Variants in PTPRQ observed in about 807,000 individuals in gnomAD.
The protein encoded by PTPRQ is phosphatidylinositol phosphatase PTPRQ.
PTPRQ carries 199 observed loss-of-function variants against 246.0 expected under a neutral mutation model. The ratio of observed to expected loss-of-function variants is 0.81; its 90% CI spans 0.72 to 0.91. PTPRQ has a LOEUF of 0.91. PTPRQ is among the 40% of genes least tolerant of loss of function. The pLI is 0.00. For synonymous variants in PTPRQ, 869 were observed against 853.2 expected (o/e 1.02, Z -0.32); for missense variants, 2,624 against 2,528.4 (o/e 1.04, Z -0.81).
At chr12:80,586,444 G>T (rs1349311290) in intron 25 of PTPRQ, among the ~76,000 whole-genome samples, 4 of 151,192 alleles carry the variant, frequency 2.6e-5, no homozygotes, top group Non-Finnish European at 4.4e-5. Flanking sequence ...TTACACTGTT[G>T]GTGGGACTGT....
chr12:80,479,405 C>G (rs971600043), intron 8 of PTPRQ, among the ~76,000 whole-genome samples: 16 of 146,280 alleles, frequency 1.1e-4, no homozygotes, highest in Non-Finnish European at 2.0e-4. Context: ...ACAACTGGTA[C>G]CAGCCACTGC....
rs117085444 is a variant in PTPRQ at position 80,624,915 on chromosome 12, A to T, written c.5686+2781A>T. ...ATGAACCAAAAAAAATTGTAAAACC[A>T]TATCCTAATGTTTTAAGAAAGTTTA... On this transcript the variant is annotated intron_variant, in intron 33 of 44. Transcript: ENST00000644991. Among the ~76,000 whole-genome samples the T allele has an allele frequency of 2.7e-3, 405 of 152,292 alleles. 11 individuals are homozygous for T. In the East Asian group the frequency reaches 0.065, roughly 24 times the overall value.
At chr12:80,674,047 C>A (rs1901058428) in intron 43 of PTPRQ, among the ~76,000 whole-genome samples, 1 of 152,000 alleles carries the variant, frequency 6.6e-6, no homozygotes, top group Admixed American at 6.6e-5. Context: ...AACAGGGAAG[C>A]ACATGTTCCA....
chr12:80,676,757 C>G (rs1737567603), intron 43 of PTPRQ, among the ~76,000 whole-genome samples: 6 of 152,022 alleles, frequency 3.9e-5, no homozygotes, highest in Admixed American at 3.9e-4. Flanking sequence ...TTTAGTGCCT[C>G]AAGGAAGTGG....
At chr12:80,558,462 C>G (rs989550509) in intron 25 of PTPRQ, among the ~76,000 whole-genome samples, 1 of 144,210 alleles carries the variant, frequency 6.9e-6, no homozygotes, top group African/African-American at 2.7e-5. Flanking sequence ...GCCACTGCAC[C>G]TGGCCTTTTT....
intron 16 of PTPRQ, 142 bp downstream of exon 16, chr12:80,506,812 T>C (rs1316301692): frequency 3.4e-6 from 2 of 583,518 alleles, no homozygotes; most frequent in Non-Finnish European, 5.4e-6. Context: ...GATTTCATTG[T>C]CATGGTATAA....
intron 30 of PTPRQ, 116 bp downstream of exon 30, chr12:80,616,382 A>G: frequency 1.1e-6 from 1 of 915,304 alleles, no homozygotes; most frequent in Non-Finnish European, 1.5e-6. Flanking sequence ...GCATATATTA[A>G]GCACATACTA....
At chr12:80,567,500 C>T (rs1224598365) in intron 25 of PTPRQ, among the ~76,000 whole-genome samples, 1 of 152,210 alleles carries the variant, frequency 6.6e-6, no homozygotes, top group Non-Finnish European at 1.5e-5. Flanking sequence ...TTCCCTTTTA[C>T]ACCCATTCTT....
intron 43 of PTPRQ, among the ~76,000 whole-genome samples, chr12:80,675,063 T>A (rs1323626561): frequency 6.6e-6 from 1 of 152,152 alleles, no homozygotes; most frequent in African/African-American, 2.4e-5. Context: ...ATAATGCATA[T>A]ACATTCCCTC....
At chr12:80,561,629 G>A (rs944467393) in intron 25 of PTPRQ, 4 of 152,078 alleles carry the variant, frequency 2.6e-5, no homozygotes, top group African/African-American at 7.2e-5. Flanking sequence ...CTGGCTTCTC[G>A]GTGGTATTCA....
chr12:80,672,311 G>A (rs1153038), intron 42 of PTPRQ, among the ~76,000 whole-genome samples: 65,182 of 150,300 alleles, frequency 0.43, 16,156 homozygotes, highest in African/African-American at 0.7. Context: ...TGTGTGGCAT[G>A]TATATATATA....
chr12:80,587,707 G>T (rs1220003687), intron 25 of PTPRQ, among the ~76,000 whole-genome samples: 1 of 152,060 alleles, frequency 6.6e-6, no homozygotes, highest in African/African-American at 2.4e-5. Flanking sequence ...GATATAAGAT[G>T]TGTTTGTGTT....
Position 80,496,551 on chromosome 12 carries a change from G to GC in PTPRQ, c.2272+20_2272+21insC. The GC allele has an allele frequency of 1.2e-5, 19 of 1,531,972 alleles. No homozygotes were observed. The highest frequency in any genetic ancestry group is 1.7e-5 in the Non-Finnish European group (19 of 1,142,062). The allele number at this position is 1,531,972 out of a possible 1,614,324, so 94.9% of individuals were successfully genotyped here. A position where few individuals can be genotyped will look rare whatever the true frequency, so the allele number is the denominator to read the frequency against. ...AGACTGGTGAGCTTTTGTTTTCTTTGTTTGTTTAATAATACACAGTGATAT... is the reference window on the plus strand; with the variant it reads ...AGACTGGTGAGCTTTTGTTTTCTTTGCTTTGTTTAATAATACACAGTGATAT... On this transcript the variant is annotated intron_variant, in intron 14 of 44. Coordinates refer to ENST00000644991, the MANE Select transcript of PTPRQ (RefSeq NM_001145026.2).
At chr12:80,481,325 T>C (rs888304638) in intron 8 of PTPRQ, among the ~76,000 whole-genome samples, 8 of 152,154 alleles carry the variant, frequency 5.3e-5, no homozygotes, top group Admixed American at 1.3e-4. Flanking sequence ...AATTCAACAA[T>C]CCTTCATGCT....
chr12:80,487,342 A>G (rs945662649), intron 9 of PTPRQ, among the ~76,000 whole-genome samples: 90 of 152,260 alleles, frequency 5.9e-4, no homozygotes, highest in African/African-American at 2.1e-3. Flanking sequence ...GCAGGTTCCC[A>G]CAGGGCACCC....
chr12:80,520,807 G>T (rs574607043), intron 17 of PTPRQ, among the ~76,000 whole-genome samples: 45 of 152,132 alleles, frequency 3.0e-4, no homozygotes, highest in African/African-American at 1.1e-3. Flanking sequence ...TGTGAATAGT[G>T]CCACAATAAA....
At chr12:80,494,549 T>C (rs533402088) in intron 10 of PTPRQ, among the ~76,000 whole-genome samples, 2 of 152,112 alleles carry the variant, frequency 1.3e-5, no homozygotes, top group South Asian at 2.1e-4. Flanking sequence ...TGATTTATAA[T>C]ATTTCATTTA....
intron 43 of PTPRQ, among the ~76,000 whole-genome samples, chr12:80,675,057 T>C (rs1253732046): frequency 5.9e-5 from 9 of 152,142 alleles, no homozygotes; most frequent in Admixed American, 5.9e-4. Flanking sequence ...GGTAATATAA[T>C]GCATATACAT....
chr12:80,601,101 A>G (rs930283339), intron 26 of PTPRQ, among the ~76,000 whole-genome samples: 1 of 151,884 alleles, frequency 6.6e-6, no homozygotes, highest in Non-Finnish European at 1.5e-5. Flanking sequence ...GCTGACCACT[A>G]TATTTAAAAT....
Sources: gnomAD v4.1 joint callset for allele counts (sites outside exome capture counted in the v4.1 genomes callset) on GRCh38, gnomAD v4.1.1 for gene constraint, MANE v1.5 for transcripts, NCBI Gene and HGNC (gene_info 2026-07-23, HGNC 2026-07-21) for gene names.